The following DDR2 variants were observed in gnomAD, a reference collection of about 807,000 sequenced individuals.
DDR2 encodes the protein discoidin domain receptor tyrosine kinase 2, also known as discoidin domain-containing receptor 2.
DDR2 carries 27 observed loss-of-function variants against 94.9 expected under a neutral mutation model. The observed-to-expected ratio is 0.28, with a 90% CI of 0.21 to 0.39. The LOEUF (loss-of-function observed/expected upper bound fraction) is 0.39, where lower values mean the gene tolerates loss of function less well. Ranked by LOEUF, DDR2 falls within the 10% of genes least tolerant of loss-of-function variation. DDR2 has a pLI of 1.00. For synonymous variants in DDR2, 382 were observed against 377.2 expected, an observed-to-expected ratio of 1.01 and a Z score of -0.15; for missense variants, 783 against 1,076.0, an observed-to-expected ratio of 0.73 and a Z score of 3.81.
Position 162,688,233 on chromosome 1 carries a change from A to G in DDR2, c.-27-30804A>G, listed in dbSNP as rs549960373. Among the ~76,000 whole-genome samples, 101 of 152,366 alleles carry G rather than the reference A, an allele frequency of 6.6e-4. 1 individual carries two copies. Among genetic ancestry groups the G allele is most frequent in the African/African-American group, 2.2e-3 (90 of 41,594 alleles). On this transcript the variant is annotated intron_variant, in intron 2 of 17. Coordinates refer to ENST00000367921, the MANE Select transcript of DDR2 (RefSeq NM_006182.4). ...AGGACACAACTTCATGTTTGGTTCAATGTGAGACTTCTCTGTGGCTCCTTT... is the reference window on the plus strand; with the variant it reads ...AGGACACAACTTCATGTTTGGTTCAGTGTGAGACTTCTCTGTGGCTCCTTT...
chr1:162,766,947 T>C (rs1664021208), intron 10 of DDR2, among the ~76,000 whole-genome samples: 1 of 151,176 alleles, frequency 6.6e-6, no homozygotes, highest in Non-Finnish European at 1.5e-5. Flanking sequence ...CAGAATTGCT[T>C]GAACCTGGGA....
At chr1:162,739,248 A>C (rs1401013987) in intron 3 of DDR2, among the ~76,000 whole-genome samples, 1 of 150,740 alleles carries the variant, frequency 6.6e-6, no homozygotes, top group African/African-American at 2.4e-5. Context: ...CGATGAACTC[A>C]AACAAATTTA....
intron 3 of DDR2, among the ~76,000 whole-genome samples, chr1:162,752,708 G>T (rs1457109181): frequency 6.6e-6 from 1 of 152,214 alleles, no homozygotes; most frequent in East Asian, 1.9e-4. Flanking sequence ...AAGGCGCCTG[G>T]TGATTATGAG....
At chr1:162,637,379 AAATTTTATATTTTTT>A (rs1324046141) in intron 1 of DDR2, among the ~76,000 whole-genome samples, 1 of 152,088 alleles carries the variant, frequency 6.6e-6, no homozygotes, top group Non-Finnish European at 1.5e-5. Context: ...ATAGGACCCC[AAATTTTATATTTTTT>A]ATAATTTTTA....
In DDR2 at chr1:162,670,596, C is replaced by T. The variant is rs1007151794; in HGVS notation, c.-28+15222C>T. 3.9e-5 allele frequency among the ~76,000 whole-genome samples: 6 copies of T among 152,282 alleles called. No homozygotes were observed. In the South Asian group the frequency reaches 1.2e-3, roughly 32 times the overall value. On this transcript the variant is annotated intron_variant, in intron 2 of 17. Transcript: ENST00000367921. ...TAGCCAAGCTGACAGATCAGAAGAG[C>T]CATGACAACAATGATAAAAGAAACT... is the stretch of plus-strand genomic sequence containing the variant.
chr1:162,685,270 G>A (rs1260909807), intron 2 of DDR2, among the ~76,000 whole-genome samples: 1 of 152,174 alleles, frequency 6.6e-6, no homozygotes, highest in Non-Finnish European at 1.5e-5. Flanking sequence ...TGAAGCAGAA[G>A]TATCTGTGTT....
intron 3 of DDR2, among the ~76,000 whole-genome samples, chr1:162,731,610 A>G (rs1436017121): frequency 2.0e-5 from 3 of 152,252 alleles, no homozygotes; most frequent in East Asian, 1.9e-4. Context: ...TGAAAGCTTA[A>G]GTAACCTTTC....
intron 3 of DDR2, among the ~76,000 whole-genome samples, chr1:162,721,178 A>G (rs1296107584): frequency 6.6e-6 from 1 of 152,224 alleles, no homozygotes; most frequent in Admixed American, 6.5e-5. Context: ...TGGTAAGCAT[A>G]GTCATGGAGA....
chr1:162,719,536 A>C (rs1661323278), intron 3 of DDR2, among the ~76,000 whole-genome samples: 1 of 152,036 alleles, frequency 6.6e-6, no homozygotes, highest in African/African-American at 2.4e-5. Flanking sequence ...CTTTGATTTT[A>C]CTTGGATGTC....
At chr1:162,729,300 A>ATATATATATT (rs1416872679) in intron 3 of DDR2, among the ~76,000 whole-genome samples, 3 of 94,014 alleles carry the variant, frequency 3.2e-5, no homozygotes, top group Admixed American at 1.4e-4. Context: ...ATATATATAT[A>ATATATATATT]TTTTTTTTTT....
chr1:162,741,218 A>ATAATATAATATAATATAATG, intron 3 of DDR2, among the ~76,000 whole-genome samples: 1 of 136,550 alleles, frequency 7.3e-6, no homozygotes, highest in African/African-American at 2.9e-5. Context: ...ACAATATAAT[A>ATAATATAATATAATATAATG]TAATATAATA....
chr1:162,773,610 A>T lies in DDR2; in HGVS notation c.1856+14A>T, dbSNP rs756557185. 1 of 1,613,714 alleles carries T rather than the reference A, an allele frequency of 6.2e-7. No individual in the cohort carries two copies. The highest frequency in any genetic ancestry group is 1.3e-5 in the African/African-American group (1 of 75,050). On this transcript the variant is annotated intron_variant, in intron 14 of 17. Transcript: ENST00000367921. ...CAAGAATGCCAGGTCTGTGGTCTAC[A>T]TTTTGAATTTTCCTTTAGGTATTTC...
At chr1:162,652,923 T>C (rs926439865) in intron 1 of DDR2, among the ~76,000 whole-genome samples, 2 of 151,304 alleles carry the variant, frequency 1.3e-5, no homozygotes, top group South Asian at 2.1e-4. Context: ...TGGGCTACAA[T>C]GGCAAAACCT....
intron 3 of DDR2, among the ~76,000 whole-genome samples, chr1:162,742,665 G>T (rs548537280): frequency 9.9e-5 from 15 of 151,580 alleles, no homozygotes; most frequent in Admixed American, 1.3e-4. Flanking sequence ...ATGAGATTTG[G>T]GTGGGCACAA....
At position 162,729,805 on chromosome 1, in the gene DDR2, G is replaced by A. The variant is rs921184253; in HGVS notation, c.82+10660G>A. 6.6e-5 allele frequency among the ~76,000 whole-genome samples: 10 copies of A among 151,490 alleles called. No homozygotes were observed. In the South Asian group the frequency reaches 8.3e-4, roughly 13 times the overall value. On this transcript the variant is annotated intron_variant, in intron 3 of 17. Transcript: ENST00000367921. ...ATTACCCAGGCTGGAGTGCAATGGCGCAATCTCGGCTCACTGCAACCTCCG... is the reference window on the plus strand; with the variant it reads ...ATTACCCAGGCTGGAGTGCAATGGCACAATCTCGGCTCACTGCAACCTCCG...
intron 2 of DDR2, among the ~76,000 whole-genome samples, chr1:162,713,883 A>T (rs1433666457): frequency 6.6e-6 from 1 of 152,190 alleles, no homozygotes; most frequent in Non-Finnish European, 1.5e-5. Flanking sequence ...ATTATGGTAT[A>T]TGTATTTTTA....
rs184990594 is a variant in DDR2 at position 162,656,463 on chromosome 1, C to T, written c.-28+1089C>T. 9.5e-4 allele frequency among the ~76,000 whole-genome samples: 145 copies of T among 152,176 alleles called. 3 individuals are homozygous for T. Among genetic ancestry groups the T allele is most frequent in the South Asian group, 1.2e-3 (6 of 4,818 alleles). On this transcript the variant is annotated intron_variant, in intron 2 of 17. Coordinates refer to ENST00000367921, the MANE Select transcript of DDR2 (RefSeq NM_006182.4). Reference sequence around the variant, plus strand: ...TCTGTTTATTATCTAGGGAATGCCTCGCTGCTCTTTAGCTTCCTGGTGGTA... The same window carrying T: ...TCTGTTTATTATCTAGGGAATGCCTTGCTGCTCTTTAGCTTCCTGGTGGTA...
Position 162,642,398 on chromosome 1 carries a change from G to C in DDR2, c.-192+9767G>C, listed in dbSNP as rs139246740. On this transcript the variant is annotated intron_variant, in intron 1 of 17. Coordinates refer to ENST00000367921, the MANE Select transcript of DDR2 (RefSeq NM_006182.4). ...AGCGATTGTCCTGCCTCAGCCTCCC[G>C]AGTAGCTGGGATTACAGGCATGCGT... 1.9e-3 allele frequency among the ~76,000 whole-genome samples: 282 copies of C among 150,404 alleles called. 4 individuals are homozygous for C. In the East Asian group the frequency reaches 0.043, roughly 23 times the overall value.
intron 2 of DDR2, among the ~76,000 whole-genome samples, chr1:162,701,091 C>T (rs1017573550): frequency 7.4e-5 from 11 of 149,094 alleles, no homozygotes; most frequent in South Asian, 2.1e-4. Flanking sequence ...AAAAAAGCAG[C>T]GGTAATTTAC....
Sources: gnomAD v4.1 joint callset for allele counts (sites outside exome capture counted in the v4.1 genomes callset) on GRCh38, gnomAD v4.1.1 for gene constraint, MANE v1.5 for transcripts, NCBI Gene and HGNC (gene_info 2026-07-23, HGNC 2026-07-21) for gene names.